RFX3: variants seen among roughly 807,000 people sequenced by gnomAD.
RFX3 encodes the protein transcription factor RFX3.
RFX3 carries 14 observed loss-of-function variants against 98.6 expected under a neutral mutation model. The ratio of observed to expected loss-of-function variants is 0.14; its 90% CI spans 0.09 to 0.22. The LOEUF (loss-of-function observed/expected upper bound fraction) is 0.22, where lower values mean the gene tolerates loss of function less well. RFX3 is among the 10% of genes least tolerant of loss of function. The pLI, the probability that RFX3 is intolerant of heterozygous loss-of-function variation, is 1.00. For synonymous variants in RFX3, 383 were observed against 328.4 expected (o/e 1.17, Z -1.80); for missense variants, 639 against 926.9 (o/e 0.69, Z 4.03).
At chr9:3,410,546 G>C (rs757763060) in intron 1 of RFX3, among the ~76,000 whole-genome samples, 7 of 152,132 alleles carry the variant, frequency 4.6e-5, no homozygotes, top group Non-Finnish European at 7.3e-5. Flanking sequence ...AACAAATTCT[G>C]AATTTTCACT....
intron 2 of RFX3, among the ~76,000 whole-genome samples, 181 bp downstream of exon 2, chr9:3,395,291 C>T (rs576213053): frequency 6.6e-6 from 1 of 152,168 alleles, no homozygotes; most frequent in Non-Finnish European, 1.5e-5. Context: ...TATAGCCTAG[C>T]ACAGAAAGAA....
intron 2 of RFX3, among the ~76,000 whole-genome samples, chr9:3,380,890 T>C (rs1488069264): frequency 1.3e-5 from 2 of 152,126 alleles, no homozygotes; most frequent in Non-Finnish European, 2.9e-5. Flanking sequence ...CTTTAAAGAG[T>C]ATGAATTTGT....
rs1214275998 is a variant in RFX3 at position 3,490,735 on chromosome 9, T to G, written c.-9+35012A>C. Among the ~76,000 whole-genome samples the G allele has an allele frequency of 6.6e-5, 10 of 152,140 alleles. No homozygotes were observed. The East Asian group carries it at 1.9e-3, about 29-fold the overall frequency. Reference sequence around the variant, plus strand: ...CAATTCTGAAAATCACCCTGCTAATTTCTTGTAGAGAAGCAAAAGTGAGAA... The same window carrying G: ...CAATTCTGAAAATCACCCTGCTAATGTCTTGTAGAGAAGCAAAAGTGAGAA... On this transcript the variant is annotated intron_variant, in intron 1 of 16. Coordinates refer to ENST00000617270, the MANE Select transcript of RFX3 (RefSeq NM_001282116.2).
intron 1 of RFX3, among the ~76,000 whole-genome samples, chr9:3,504,925 TATTA>T (rs1253131613): frequency 1.4e-5 from 1 of 73,672 alleles, no homozygotes; most frequent in Non-Finnish European, 2.2e-5. Flanking sequence ...ATATAACATA[TATTA>T]TATATAATAT....
intron 1 of RFX3, among the ~76,000 whole-genome samples, chr9:3,478,432 A>ATTTTTTTTTTTTTT (rs1849460994): frequency 8.6e-6 from 1 of 116,600 alleles, no homozygotes; most frequent in Non-Finnish European, 1.8e-5. Flanking sequence ...TTTTTTTAGG[A>ATTTTTTTTTTTTTT]TCTTGTTTTT....
At chr9:3,415,879 T>A (rs1587590256) in intron 1 of RFX3, among the ~76,000 whole-genome samples, 1 of 152,202 alleles carries the variant, frequency 6.6e-6, no homozygotes, top group Non-Finnish European at 1.5e-5. Context: ...GCGGCAATGT[T>A]CCTGAATGTC....
chr9:3,415,379 C>T (rs750790680), intron 1 of RFX3, among the ~76,000 whole-genome samples: 1 of 151,470 alleles, frequency 6.6e-6, no homozygotes, highest in South Asian at 2.1e-4. Context: ...CCTGGCTAGC[C>T]AACCAGTACC....
chr9:3,342,642 G>C (rs550829355), intron 3 of RFX3, among the ~76,000 whole-genome samples: 1 of 152,102 alleles, frequency 6.6e-6, no homozygotes, highest in African/African-American at 2.4e-5. Context: ...TCAAAAAAGA[G>C]TGGGGGAAGA....
intron 1 of RFX3, among the ~76,000 whole-genome samples, chr9:3,442,515 G>A (rs1845692052): frequency 6.6e-6 from 1 of 152,092 alleles, no homozygotes; most frequent in African/African-American, 2.4e-5. Context: ...TAAACAAAAT[G>A]TAGAATCCTG....
At chr9:3,487,220 C>T (rs941051985) in intron 1 of RFX3, among the ~76,000 whole-genome samples, 1 of 152,062 alleles carries the variant, frequency 6.6e-6, no homozygotes. Flanking sequence ...AACCAATGTA[C>T]TTAATTAAAT....
chr9:3,317,810 A>C (rs1485503196), intron 4 of RFX3, among the ~76,000 whole-genome samples: 1 of 152,260 alleles, frequency 6.6e-6, no homozygotes, highest in Admixed American at 6.5e-5. Flanking sequence ...GCAAATCATA[A>C]CCACAATGAG....
At chr9:3,251,352 T>A (rs575550) in intron 14 of RFX3, among the ~76,000 whole-genome samples, 118,636 of 150,134 alleles carry the variant, frequency 0.79, 48,135 homozygotes, top group Non-Finnish European at 0.89. Context: ...AAATTAATTA[T>A]TTTTTTTTTT....
intron 3 of RFX3, among the ~76,000 whole-genome samples, chr9:3,342,398 G>C (rs10971472): frequency 0.051 from 7,806 of 152,204 alleles, 389 homozygotes; most frequent in African/African-American, 0.14. Flanking sequence ...TTATGTACTG[G>C]AGTTGAGAAA....
At chr9:3,506,943 C>G (rs887369224) in intron 1 of RFX3, among the ~76,000 whole-genome samples, 4 of 151,746 alleles carry the variant, frequency 2.6e-5, no homozygotes, top group African/African-American at 9.7e-5. Flanking sequence ...ATTGTAAAAT[C>G]AGAACTAGAC....
chr9:3,465,080 T>C (rs974422579), intron 1 of RFX3, among the ~76,000 whole-genome samples: 2 of 152,122 alleles, frequency 1.3e-5, no homozygotes, highest in Admixed American at 6.6e-5. Flanking sequence ...TTTATTAAAA[T>C]AGAAGAATCA....
chr9:3,301,928 C>T (rs182400906), intron 4 of RFX3, among the ~76,000 whole-genome samples: 54 of 151,998 alleles, frequency 3.6e-4, no homozygotes, highest in African/African-American at 1.3e-3. Flanking sequence ...ACATTCTTGA[C>T]TTTCATAGTT....
At chr9:3,264,395 C>A (rs560304080) in intron 12 of RFX3, among the ~76,000 whole-genome samples, 1 of 151,898 alleles carries the variant, frequency 6.6e-6, no homozygotes, top group Non-Finnish European at 1.5e-5. Context: ...CAATTGGGAG[C>A]GGTAGAGGGT....
chr9:3,375,730 G>A (rs556731146), intron 2 of RFX3, among the ~76,000 whole-genome samples: 89 of 152,272 alleles, frequency 5.8e-4, no homozygotes, highest in African/African-American at 2.1e-3. Context: ...GGAGGCCAAG[G>A]CGGGTGGATC....
intron 1 of RFX3, among the ~76,000 whole-genome samples, chr9:3,505,251 TGAATATATA>T (rs1564186926): frequency 4.0e-5 from 3 of 74,658 alleles, no homozygotes; most frequent in East Asian, 1.3e-3. Context: ...TATATATATA[TGAATATATA>T]TTTATATATA....
Sources: gnomAD v4.1 joint callset for allele counts (sites outside exome capture counted in the v4.1 genomes callset) on GRCh38, gnomAD v4.1.1 for gene constraint, MANE v1.5 for transcripts, NCBI Gene and HGNC (gene_info 2026-07-23, HGNC 2026-07-21) for gene names.